Variants in PBRM1 observed in about 807,000 individuals in gnomAD.
The protein encoded by PBRM1 is protein polybromo-1.
In PBRM1, 27 loss-of-function variants were observed where a neutral mutation model predicts 194.5. The observed-to-expected ratio is 0.14, with a 90% CI of 0.10 to 0.19. The LOEUF (loss-of-function observed/expected upper bound fraction) is 0.19. Among genes scored for constraint, PBRM1 ranks in the 10% least tolerant of loss-of-function variants. The probability of loss-of-function intolerance (pLI) is 1.00; values close to 1 mark genes in which losing one functional copy is unlikely to be tolerated. For missense variants in PBRM1, 1,466 were observed against 2,077.2 expected (o/e 0.71, Z 5.72); for synonymous variants, 655 against 693.2 (o/e 0.94, Z 0.87).
intron 2 of PBRM1, among the ~76,000 whole-genome samples, chr3:52,675,683 A>G (rs1248214065): frequency 1.3e-5 from 2 of 152,198 alleles, no homozygotes; most frequent in East Asian, 1.9e-4. Context: ...ACAGGGACCA[A>G]TGGAATAGAA....
At chr3:52,594,326 A>T (rs2153836953) in intron 17 of PBRM1, among the ~76,000 whole-genome samples, 1 of 152,304 alleles carries the variant, frequency 6.6e-6, no homozygotes. Flanking sequence ...ACCATTATGT[A>T]GTGCCCTTCT....
At chr3:52,620,693 G>A (rs2095237837) in intron 13 of PBRM1, among the ~76,000 whole-genome samples, 1 of 152,176 alleles carries the variant, frequency 6.6e-6, no homozygotes, top group Non-Finnish European at 1.5e-5. Context: ...GACATACCCA[G>A]AATGTGGAAA....
intron 20 of PBRM1, among the ~76,000 whole-genome samples, chr3:52,582,846 C>A (rs1576092914): frequency 1.3e-5 from 2 of 152,040 alleles, no homozygotes; most frequent in South Asian, 2.1e-4. Flanking sequence ...GCCTGTAATC[C>A]CAGTACTTTG....
intron 11 of PBRM1, among the ~76,000 whole-genome samples, chr3:52,633,100 G>T (rs1168462006): frequency 1.3e-5 from 2 of 151,880 alleles, no homozygotes; most frequent in Admixed American, 6.6e-5. Context: ...TTTCCATTTT[G>T]TAAGACTGAC....
At chr3:52,664,835 C>T (rs1287204034) in intron 3 of PBRM1, among the ~76,000 whole-genome samples, 1 of 151,854 alleles carries the variant, frequency 6.6e-6, no homozygotes. Flanking sequence ...GACACCCAAT[C>T]AGAGTTACTA....
intron 22 of PBRM1, among the ~76,000 whole-genome samples, chr3:52,572,339 A>T (rs563982071): frequency 6.6e-6 from 1 of 152,164 alleles, no homozygotes; most frequent in South Asian, 2.1e-4. Context: ...GGGTAGAGGT[A>T]CTGTCTGCCA....
At chr3:52,663,454 T>A (rs1195159102) in intron 3 of PBRM1, among the ~76,000 whole-genome samples, 1 of 152,182 alleles carries the variant, frequency 6.6e-6, no homozygotes, top group Admixed American at 6.5e-5. Context: ...ATGAAATGAA[T>A]CTCTGAGAAC....
chr3:52,639,734 A>ATT (rs59775901), intron 10 of PBRM1, among the ~76,000 whole-genome samples: 13 of 141,260 alleles, frequency 9.2e-5, no homozygotes, highest in Non-Finnish European at 1.7e-4. Flanking sequence ...TGCCTTAAAA[A>ATT]TTTTTTTTTT....
chr3:52,547,965 T>C, downstream of PBRM1: 1 of 977,638 alleles, frequency 1.0e-6, no homozygotes, highest in Non-Finnish European at 1.5e-6. Context: ...GCAATAAAAA[T>C]TATCCTCCTT....
upstream of PBRM1, among the ~76,000 whole-genome samples, chr3:52,683,996 T>C (rs1395892960): frequency 6.6e-6 from 1 of 151,890 alleles, no homozygotes; most frequent in Admixed American, 6.6e-5. Flanking sequence ...CATAGATTGA[T>C]CTTTTCTCTA....
intron 17 of PBRM1, among the ~76,000 whole-genome samples, chr3:52,601,427 G>A (rs2153277128): frequency 2.0e-5 from 3 of 152,266 alleles, no homozygotes. Flanking sequence ...CATAAGCAGT[G>A]CACAACCTAG....
chr3:52,643,194 T>C, intron 9 of PBRM1, 54 bp downstream of exon 10: 1 of 1,235,802 alleles, frequency 8.1e-7, no homozygotes, highest in Non-Finnish European at 1.2e-6. Flanking sequence ...AATACTAGTA[T>C]GCCTATCTTT....
chr3:52,669,174 G>GAA (rs2096899765), intron 2 of PBRM1, among the ~76,000 whole-genome samples: 1 of 152,016 alleles, frequency 6.6e-6, no homozygotes, highest in African/African-American at 2.4e-5. Flanking sequence ...ATGAGCCCTT[G>GAA]GCTTACGTAG....
chr3:52,615,424 T>C (rs772228266), exon 15 of PBRM1: 5 of 1,607,150 alleles, frequency 3.1e-6, no homozygotes, highest in Admixed American at 1.7e-5. Flanking sequence ...TCTCCTTGAG[T>C]AACTTCTCCA....
At chr3:52,571,350 A>G (rs980023800) in intron 22 of PBRM1, among the ~76,000 whole-genome samples, 5 of 147,310 alleles carry the variant, frequency 3.4e-5, no homozygotes, top group African/African-American at 1.2e-4. Context: ...AAGATTGGCC[A>G]GGCGTGGTGG....
intron 7 of PBRM1, 71 bp downstream of exon 8, chr3:52,648,273 T>C: frequency 1.1e-6 from 1 of 874,394 alleles, no homozygotes; most frequent in African/African-American, 1.7e-5. Context: ...AGTTGTTTTA[T>C]AAAAATTACT....
chr3:52,608,410 A>G (rs1560314991), intron 16 of PBRM1, among the ~76,000 whole-genome samples: 1 of 152,202 alleles, frequency 6.6e-6, no homozygotes, highest in Non-Finnish European at 1.5e-5. Context: ...AGTGCTTAGC[A>G]TGGTGCTTTA....
At chr3:52,548,002 T>A in exon 30 of PBRM1, 5 of 1,416,610 alleles carry the variant, frequency 3.5e-6, no homozygotes, top group Non-Finnish European at 4.9e-6. Flanking sequence ...CCCCAGTAAC[T>A]AAAATGGCTA....
At chr3:52,636,412 C>T (rs1177533155) in intron 10 of PBRM1, among the ~76,000 whole-genome samples, 1 of 151,922 alleles carries the variant, frequency 6.6e-6, no homozygotes, top group Non-Finnish European at 1.5e-5. Context: ...CTTGATGGAT[C>T]AGAATAAACA....
Sources: gnomAD v4.1 joint callset for allele counts (sites outside exome capture counted in the v4.1 genomes callset) on GRCh38, gnomAD v4.1.1 for gene constraint, MANE v1.5 for transcripts, NCBI Gene and HGNC (gene_info 2026-07-23, HGNC 2026-07-21) for gene names.